NRG4: variants seen among roughly 807,000 people sequenced by gnomAD.
NRG4 encodes neuregulin 4.
NRG4 carries 10 observed loss-of-function variants against 15.0 expected under a neutral mutation model. That is an observed-to-expected ratio of 0.67 (90% CI 0.41 to 1.13). The LOEUF (loss-of-function observed/expected upper bound fraction) is 1.13. NRG4 is among the 50% of genes most tolerant of loss of function. The pLI is 0.00. For synonymous variants in NRG4, 41 were observed against 50.1 expected, an observed-to-expected ratio of 0.82 and a Z score of 0.77; for missense variants, 139 against 140.2, an observed-to-expected ratio of 0.99 and a Z score of 0.04.
chr15:75,974,318 TC>T (rs1336119799), intron 3 of NRG4, among the ~76,000 whole-genome samples: 1 of 152,216 alleles, frequency 6.6e-6, no homozygotes, highest in Non-Finnish European at 1.5e-5. Flanking sequence ...AAAAACCAGC[TC>T]CTGGATTCAT....
At chr15:76,011,453 T>G (rs547874698) in intron 1 of NRG4, among the ~76,000 whole-genome samples, 167 bp from the exon 2 acceptor site, 35 of 152,272 alleles carry the variant, frequency 2.3e-4, no homozygotes, top group African/African-American at 8.4e-4. Flanking sequence ...AGATACCTAT[T>G]GCATTTCAGT....
At chr15:75,951,739 C>A (rs1238108864) in intron 5 of NRG4, among the ~76,000 whole-genome samples, 1 of 152,080 alleles carries the variant, frequency 6.6e-6, no homozygotes, top group Non-Finnish European at 1.5e-5. Context: ...CCCTCCCAAT[C>A]TTTGTATTTT....
At chr15:76,046,903 C>T (rs1251968704) in intron 4 of NRG4, among the ~76,000 whole-genome samples, 1 of 150,770 alleles carries the variant, frequency 6.6e-6, no homozygotes, top group East Asian at 1.9e-4. Flanking sequence ...GCAAACTATC[C>T]ATTTGACAAA....
At chr15:75,964,140 TAA>T (rs1219679449) in intron 3 of NRG4, among the ~76,000 whole-genome samples, 1 of 151,898 alleles carries the variant, frequency 6.6e-6, no homozygotes, top group African/African-American at 2.4e-5. Flanking sequence ...GGAAATGGAA[TAA>T]ACACACATAA....
At chr15:76,051,503 C>T (rs2036015885) in intron 4 of NRG4, among the ~76,000 whole-genome samples, 2 of 150,336 alleles carry the variant, frequency 1.3e-5, no homozygotes, top group Non-Finnish European at 2.9e-5. Flanking sequence ...ACTTAACCAG[C>T]AACAGCACTT....
chr15:75,938,710 G>GA (rs1414758199), downstream of NRG4: 1 of 152,092 alleles, frequency 6.6e-6, no homozygotes, highest in Non-Finnish European at 1.5e-5. Context: ...ACTGAAAGCA[G>GA]AAACAACAAA....
chr15:76,053,178 A>G (rs963027982), intron 2 of NRG4: 3 of 151,036 alleles, frequency 2.0e-5, no homozygotes, highest in African/African-American at 7.4e-5. Flanking sequence ...GGAATCCAGA[A>G]TGTTTTTCCT....
intron 4 of NRG4, among the ~76,000 whole-genome samples, chr15:76,036,884 T>G (rs2035607294): frequency 6.6e-6 from 1 of 152,148 alleles, no homozygotes; most frequent in Admixed American, 6.5e-5. Context: ...AAGTCCTGGC[T>G]GGAGCAATTA....
At chr15:75,989,549 G>A (rs1595992589) in intron 3 of NRG4, among the ~76,000 whole-genome samples, 1 of 151,502 alleles carries the variant, frequency 6.6e-6, no homozygotes, top group African/African-American at 2.4e-5. Flanking sequence ...TTATTGCTAT[G>A]GCATTAATTC....
chr15:76,049,820 ACTTG>A lies in NRG4; in HGVS notation c.-105+2243_-105+2246del, dbSNP rs1387425303. On this transcript the variant is annotated intron_variant, in intron 4 of 8. Coordinates refer to the NRG4 transcript ENST00000563910. ...TCGGGGAACTATTCTTAACAATCCC[ACTTG>A]AACACACTGTTCTTTAAATCTGTCC... 1.3e-4 allele frequency among the ~76,000 whole-genome samples: 19 copies of A among 150,696 alleles called. 1 individual carries two copies. The highest frequency in any genetic ancestry group is 1.7e-4 in the African/African-American group (7 of 40,304).
chr15:76,051,565 CTTTT>C (rs917470740), intron 4 of NRG4, among the ~76,000 whole-genome samples: 2 of 133,478 alleles, frequency 1.5e-5, no homozygotes. Context: ...GAACAATCTT[CTTTT>C]TTTTTTTTTT....
At chr15:75,955,282 A>G (rs1164991622) in intron 5 of NRG4, among the ~76,000 whole-genome samples, 3 of 152,118 alleles carry the variant, frequency 2.0e-5, no homozygotes, top group East Asian at 3.9e-4. Flanking sequence ...GAGTCAGCCA[A>G]ACTCAGCCTG....
intron 3 of NRG4, among the ~76,000 whole-genome samples, chr15:75,979,225 C>T (rs867799160): frequency 1.3e-5 from 2 of 152,120 alleles, no homozygotes; most frequent in African/African-American, 2.4e-5. Flanking sequence ...GCATTTCCCC[C>T]TATGCATTCT....
At chr15:76,010,143 A>G (rs1407991240) in intron 2 of NRG4, among the ~76,000 whole-genome samples, 1 of 152,080 alleles carries the variant, frequency 6.6e-6, no homozygotes, top group African/African-American at 2.4e-5. Context: ...AAGCCATTGT[A>G]TAGAAAAAAT....
intron 3 of NRG4, among the ~76,000 whole-genome samples, chr15:75,972,087 T>A (rs2033123231): frequency 6.6e-6 from 1 of 152,246 alleles, no homozygotes. Context: ...GGTATCTCAT[T>A]GTGGTTTTGA....
chr15:75,985,623 A>C (rs1481720341), intron 3 of NRG4, among the ~76,000 whole-genome samples: 1 of 152,172 alleles, frequency 6.6e-6, no homozygotes, highest in Non-Finnish European at 1.5e-5. Context: ...AGTATAGAGA[A>C]CTGTATGCCA....
chr15:75,973,101 G>T lies in NRG4; in HGVS notation c.105-11127C>A, dbSNP rs550254960. On this transcript the variant is annotated intron_variant, in intron 3 of 5. Coordinates refer to ENST00000394907, the MANE Select transcript of NRG4 (RefSeq NM_138573.4). ...AGGTCCTTCACATCCCTTGTAAATT[G>T]TATTCCTAGGTATTTTATTCTCTTA... Among the ~76,000 whole-genome samples the T allele has an allele frequency of 7.2e-5, 11 of 152,210 alleles. No homozygotes were observed. The South Asian group carries it at 2.1e-3, about 29-fold the overall frequency.
At chr15:76,059,172 G>A (rs1433141658) in intron 1 of NRG4, among the ~76,000 whole-genome samples, 1 of 152,218 alleles carries the variant, frequency 6.6e-6, no homozygotes, top group Non-Finnish European at 1.5e-5. Flanking sequence ...CTTTTTAAGA[G>A]TCAGATAACG....
intron 1 of NRG4, among the ~76,000 whole-genome samples, chr15:76,059,271 G>C (rs2036234927): frequency 6.6e-6 from 1 of 152,178 alleles, no homozygotes; most frequent in African/African-American, 2.4e-5. Flanking sequence ...TTTTCTCCCA[G>C]GCAGCCAACT....
Sources: gnomAD v4.1 joint callset for allele counts (sites outside exome capture counted in the v4.1 genomes callset) on GRCh38, gnomAD v4.1.1 for gene constraint, MANE v1.5 for transcripts, NCBI Gene and HGNC (gene_info 2026-07-23, HGNC 2026-07-21) for gene names.